CDH26: variants seen among roughly 807,000 people sequenced by gnomAD.
CDH26 encodes the protein cadherin-like protein 26.
A neutral mutation model predicts 90.3 loss-of-function variants in CDH26; 83 were observed. That is an observed-to-expected ratio of 0.92 (90% CI 0.77 to 1.10). The LOEUF (loss-of-function observed/expected upper bound fraction) is 1.10. Ranked by LOEUF, CDH26 falls within the 50% of genes least tolerant of loss-of-function variation. CDH26 has a pLI of 0.00. For synonymous variants in CDH26, 397 were observed against 396.3 expected, an observed-to-expected ratio of 1.00 and a Z score of -0.02; for missense variants, 1,013 against 1,037.6, an observed-to-expected ratio of 0.98 and a Z score of 0.33.
At chr20:59,965,286 C>A (rs781415696) in intron 1 of CDH26, among the ~76,000 whole-genome samples, 4 of 152,176 alleles carry the variant, frequency 2.6e-5, no homozygotes, top group Non-Finnish European at 5.9e-5. Flanking sequence ...TAGATTCTGA[C>A]GCGGACGAGC....
In CDH26 at chr20:59,995,972, A is replaced by G. The variant is rs2145997972; in HGVS notation, c.1806A>G (p.Thr602=). 2 of 1,614,144 alleles carry G rather than the reference A, an allele frequency of 1.2e-6. No individual in the cohort carries two copies. Among genetic ancestry groups the G allele is most frequent in the African/African-American group, 2.7e-5 (2 of 75,042 alleles). Residue 602 remains threonine (T), a synonymous_variant, in exon 12 of 18, where the codon ACA becomes ACG. Transcript: ENST00000348616. ...TCTGCCCCTGTGCCAGTGGGCTCAC[A>G]TGTGTGGAGCTTGCAGATGCAGAAG... ...VRICPCASGL[T]CVELADAEVG...
intron 1 of CDH26, among the ~76,000 whole-genome samples, chr20:59,967,643 C>T (rs917703864): frequency 6.6e-6 from 1 of 152,126 alleles, no homozygotes; most frequent in Non-Finnish European, 1.5e-5. Context: ...CCTGCGTGCA[C>T]ACTGTCTCTC....
intron 17 of CDH26, among the ~76,000 whole-genome samples, chr20:60,011,220 G>C (rs531232775): frequency 3.9e-5 from 6 of 152,342 alleles, no homozygotes; most frequent in African/African-American, 1.4e-4. Flanking sequence ...TAGGTTTCAA[G>C]GTTGAGCAGC....
At chr20:60,026,450 G>A (rs2061998897) in intron 7 of CDH26, among the ~76,000 whole-genome samples, 1 of 151,758 alleles carries the variant, frequency 6.6e-6, no homozygotes, top group Admixed American at 6.6e-5. Flanking sequence ...CAGAAGGGAG[G>A]TGAGGCAGAA....
downstream of CDH26, among the ~76,000 whole-genome samples, chr20:60,034,834 G>A (rs1244862196): frequency 6.6e-6 from 1 of 152,186 alleles, no homozygotes; most frequent in Non-Finnish European, 1.5e-5. Context: ...CAACAGCAGT[G>A]GGCTTTAACC....
chr20:60,025,539 C>T (rs923232721), intron 7 of CDH26, among the ~76,000 whole-genome samples: 2 of 152,140 alleles, frequency 1.3e-5, no homozygotes, highest in African/African-American at 2.4e-5. Context: ...CCAGGGCCTT[C>T]GGGGTAAGCA....
intron 1 of CDH26, among the ~76,000 whole-genome samples, chr20:59,963,728 C>T (rs757032003): frequency 1.3e-5 from 2 of 152,076 alleles, no homozygotes; most frequent in East Asian, 3.9e-4. Context: ...TGGTCTAGAG[C>T]CCAGAAGAGA....
At chr20:59,979,397 C>G (rs1238794700) in intron 4 of CDH26, among the ~76,000 whole-genome samples, 2 of 151,794 alleles carry the variant, frequency 1.3e-5, no homozygotes, top group Admixed American at 6.6e-5. Context: ...TAGGGTTTCA[C>G]CATGTTGGTC....
In CDH26 at chr20:60,033,010, A is replaced by G. The variant is rs559118471; in HGVS notation, c.1144-476A>G. The stretch of plus-strand genomic sequence containing the variant: ...ACTTAAAGTATAATAATAAAAAAAA[A>G]AGAATCACATTTCCAATCCTGGTGT... On this transcript the variant is annotated intron_variant, in intron 8 of 8. Coordinates refer to the CDH26 transcript ENST00000370991. Among the ~76,000 whole-genome samples the G allele has an allele frequency of 3.3e-5, 5 of 152,306 alleles. 1 individual carries two copies. The highest frequency in any genetic ancestry group is 1.2e-4 in the African/African-American group (5 of 41,578).
intron 9 of CDH26, among the ~76,000 whole-genome samples, chr20:59,991,269 G>A (rs2061524948): frequency 6.6e-6 from 1 of 152,134 alleles, no homozygotes; most frequent in Non-Finnish European, 1.5e-5. Context: ...TCATACTTAG[G>A]TCTCAGGAAA....
chr20:60,009,666 C>T (rs1021209993), intron 17 of CDH26, among the ~76,000 whole-genome samples: 2 of 152,046 alleles, frequency 1.3e-5, no homozygotes, highest in African/African-American at 4.8e-5. Flanking sequence ...TCCTTGTGAG[C>T]CCTCTAACTT....
chr20:59,986,884 T>A (rs2061465603), intron 7 of CDH26, among the ~76,000 whole-genome samples: 1 of 152,202 alleles, frequency 6.6e-6, no homozygotes, highest in Non-Finnish European at 1.5e-5. Flanking sequence ...ATATTATGCT[T>A]GAACCTTGTT....
At chr20:60,021,891 C>CATATAT (rs1416297614) in intron 7 of CDH26, among the ~76,000 whole-genome samples, 6 of 90,184 alleles carry the variant, frequency 6.7e-5, no homozygotes, top group South Asian at 3.7e-4. Context: ...CACACACACA[C>CATATAT]ACACACATAT....
At chr20:60,009,554 C>T (rs942201738) in intron 17 of CDH26, among the ~76,000 whole-genome samples, 7 of 152,204 alleles carry the variant, frequency 4.6e-5, no homozygotes, top group African/African-American at 1.4e-4. Flanking sequence ...GGGCCCCCCT[C>T]CTCCCTCTGC....
At chr20:60,018,151 T>G (rs189838608), downstream of CDH26, among the ~76,000 whole-genome samples, 2 of 152,202 alleles carry the variant, frequency 1.3e-5, no homozygotes, top group African/African-American at 4.8e-5. Context: ...ATCTGATGTT[T>G]CCTTGTTGAT....
chr20:59,972,717 T>C (rs2061277885), intron 4 of CDH26, among the ~76,000 whole-genome samples: 1 of 152,314 alleles, frequency 6.6e-6, no homozygotes, highest in South Asian at 2.1e-4. Flanking sequence ...AGTCAAACTT[T>C]GTTCTATTTT....
downstream of CDH26, among the ~76,000 whole-genome samples, chr20:60,014,906 A>T (rs898487907): frequency 6.6e-6 from 1 of 152,216 alleles, no homozygotes; most frequent in Non-Finnish European, 1.5e-5. Context: ...GTACTAATTT[A>T]CATTCCTACC....
chr20:59,959,808 C>A (rs80130789), intron 1 of CDH26, among the ~76,000 whole-genome samples: 2,979 of 152,306 alleles, frequency 0.02, 100 homozygotes, highest in African/African-American at 0.068. Flanking sequence ...ATGGCTAAAT[C>A]CATTGCCCCC....
chr20:59,960,543 G>A (rs7266649), intron 1 of CDH26, among the ~76,000 whole-genome samples: 128 of 152,222 alleles, frequency 8.4e-4, no homozygotes, highest in African/African-American at 2.6e-3. Context: ...CACAAAGGCC[G>A]TTAAAACCTT....
Sources: allele counts gnomAD v4.1 joint callset (sites outside exome capture counted in the v4.1 genomes callset), GRCh38; gene constraint gnomAD v4.1.1; transcripts MANE v1.5; gene names NCBI Gene and HGNC (gene_info 2026-07-23, HGNC 2026-07-21).